Variants in ASTN2 observed in about 807,000 individuals in gnomAD.
ASTN2 encodes astrotactin 2.
A neutral mutation model predicts 139.8 loss-of-function variants in ASTN2; 54 were observed. The observed-to-expected ratio is 0.39, with a 90% confidence interval of 0.31 to 0.48. The LOEUF (loss-of-function observed/expected upper bound fraction) is 0.48, where lower values mean the gene tolerates loss of function less well. Ranked by LOEUF, ASTN2 falls within the 20% of genes least tolerant of loss-of-function variation. The probability of loss-of-function intolerance (pLI) is 0.95; values close to 1 mark genes in which losing one functional copy is unlikely to be tolerated. For synonymous variants in ASTN2, 756 were observed against 719.5 expected, an observed-to-expected ratio of 1.05 and a Z score of -0.81; for missense variants, 1,565 against 1,725.1, an observed-to-expected ratio of 0.91 and a Z score of 1.64.
intron 13 of ASTN2, among the ~76,000 whole-genome samples, chr9:116,740,964 C>G (rs1475022253): frequency 1.3e-5 from 2 of 151,750 alleles, no homozygotes; most frequent in Non-Finnish European, 2.9e-5. Flanking sequence ...AGGGGAAGGT[C>G]TCTTTACCCT....
At chr9:116,978,974 A>G (rs1395164297) in intron 7 of ASTN2, among the ~76,000 whole-genome samples, 2 of 152,352 alleles carry the variant, frequency 1.3e-5, no homozygotes, top group East Asian at 1.9e-4. Flanking sequence ...TTCTACAACT[A>G]TCACCCTTAA....
In ASTN2 at chr9:117,304,521, T is replaced by A. The variant is rs1402813238; in HGVS notation, c.443-13008A>T. Among the ~76,000 whole-genome samples, 5 of 152,284 alleles carry A rather than the reference T, an allele frequency of 3.3e-5. No individual in the cohort carries two copies. In the East Asian group the frequency reaches 7.7e-4, roughly 24 times the overall value. On this transcript the variant is annotated intron_variant, in intron 1 of 22. Transcript: ENST00000313400. ...TGTTGAAATTTTGCCCTAAGAGGGATCCTGCCGTATTTCCCTCAGCCCCTC... is the reference window on the plus strand; with the variant it reads ...TGTTGAAATTTTGCCCTAAGAGGGAACCTGCCGTATTTCCCTCAGCCCCTC...
intron 5 of ASTN2, among the ~76,000 whole-genome samples, chr9:117,066,173 C>T (rs2132697684): frequency 9.4e-6 from 1 of 106,190 alleles, no homozygotes; most frequent in East Asian, 3.2e-4. Context: ...CCCCCCTCCC[C>T]CCACCCCACC....
At chr9:116,862,509 G>A (rs986750818) in intron 11 of ASTN2, among the ~76,000 whole-genome samples, 1 of 152,180 alleles carries the variant, frequency 6.6e-6, no homozygotes, top group Admixed American at 6.5e-5. Flanking sequence ...CTTCATAAAG[G>A]AGATGTCTCT....
Position 116,944,073 on chromosome 9 carries a change from T to C in ASTN2, c.1889+31135A>G, listed in dbSNP as rs988310477. On this transcript the variant is annotated intron_variant, in intron 10 of 22. Coordinates refer to ENST00000313400, the MANE Select transcript of ASTN2 (RefSeq NM_001365068.1). ...GTACTGTTCTCGGTGCTTTTATAAA[T>C]ATGAGCTCGTCTCATTTTTATAACT... Among the ~76,000 whole-genome samples, 9 of 152,182 alleles carry C rather than the reference T, an allele frequency of 5.9e-5. No homozygotes were observed. The South Asian group carries it at 1.5e-3, about 25-fold the overall frequency.
At chr9:116,856,790 G>T (rs1832752111) in intron 11 of ASTN2, among the ~76,000 whole-genome samples, 1 of 152,204 alleles carries the variant, frequency 6.6e-6, no homozygotes, top group South Asian at 2.1e-4. Context: ...TGGGGCAGAG[G>T]CGGCAGAAAT....
At chr9:117,345,423 C>T (rs1564157502) in intron 1 of ASTN2, among the ~76,000 whole-genome samples, 1 of 152,164 alleles carries the variant, frequency 6.6e-6, no homozygotes, top group African/African-American at 2.4e-5. Context: ...TTGCATGACT[C>T]TAAGTGCTTC....
At chr9:116,848,521 C>T (rs545758143) in intron 11 of ASTN2, among the ~76,000 whole-genome samples, 9 of 152,258 alleles carry the variant, frequency 5.9e-5, no homozygotes, top group East Asian at 3.9e-4. Context: ...AAGCGCAGCA[C>T]GAAGAGGTGT....
intron 20 of ASTN2, among the ~76,000 whole-genome samples, chr9:116,444,265 A>T (rs1331323286): frequency 6.6e-6 from 1 of 152,194 alleles, no homozygotes; most frequent in Non-Finnish European, 1.5e-5. Context: ...TGTAGAAATC[A>T]ACTCTGTAAA....
chr9:117,170,669 G>A (rs967663135), intron 3 of ASTN2, among the ~76,000 whole-genome samples: 4 of 152,084 alleles, frequency 2.6e-5, no homozygotes, highest in African/African-American at 9.7e-5. Context: ...AGACTGAAGA[G>A]GTCACAAGCA....
chr9:116,532,733 G>A (rs1851412281), intron 19 of ASTN2, among the ~76,000 whole-genome samples: 1 of 152,082 alleles, frequency 6.6e-6, no homozygotes, highest in Non-Finnish European at 1.5e-5. Context: ...CTCTGTTTTG[G>A]TACCAGTACT....
At chr9:116,823,368 T>G (rs1831540579) in intron 11 of ASTN2, among the ~76,000 whole-genome samples, 1 of 152,220 alleles carries the variant, frequency 6.6e-6, no homozygotes, top group Non-Finnish European at 1.5e-5. Context: ...ATTTACTGAC[T>G]GACTGATCTC....
chr9:116,706,758 G>A (rs1433988449), intron 16 of ASTN2, among the ~76,000 whole-genome samples: 6 of 120,200 alleles, frequency 5.0e-5, no homozygotes, highest in African/African-American at 1.9e-4. Context: ...TTGCTGGCTA[G>A]AATTTTTTTT....
At chr9:116,853,893 C>T (rs963588538) in intron 11 of ASTN2, among the ~76,000 whole-genome samples, 40 of 152,284 alleles carry the variant, frequency 2.6e-4, no homozygotes, top group Non-Finnish European at 1.3e-4. Context: ...GTGCTCAGAG[C>T]AGCACGGTTT....
intron 1 of ASTN2, among the ~76,000 whole-genome samples, chr9:117,303,356 G>A (rs187202202): frequency 4.7e-4 from 72 of 152,296 alleles, no homozygotes; most frequent in Non-Finnish European, 7.4e-5. Flanking sequence ...GAATACTGAG[G>A]TAGAGTGTGC....
intron 2 of ASTN2, among the ~76,000 whole-genome samples, chr9:117,272,161 C>T (rs1834081600): frequency 6.6e-6 from 1 of 152,230 alleles, no homozygotes; most frequent in Non-Finnish European, 1.5e-5. Context: ...TCCCAAACCT[C>T]AATTCTTGCC....
intron 18 of ASTN2, among the ~76,000 whole-genome samples, chr9:116,619,524 T>TA (rs1452077707): frequency 6.6e-6 from 1 of 151,790 alleles, no homozygotes; most frequent in African/African-American, 2.4e-5. Context: ...TTTTTCTTAT[T>TA]AAAAAAATGT....
intron 16 of ASTN2, among the ~76,000 whole-genome samples, chr9:116,684,672 C>T (rs1045150974): frequency 2.6e-5 from 4 of 152,216 alleles, no homozygotes; most frequent in African/African-American, 9.7e-5. Context: ...AGTGGTCCCA[C>T]TCTTCTCACC....
chr9:117,199,612 C>A (rs887243661), intron 3 of ASTN2, among the ~76,000 whole-genome samples: 2 of 150,814 alleles, frequency 1.3e-5, no homozygotes, highest in Admixed American at 1.3e-4. Flanking sequence ...TACATGGGTT[C>A]TTCTTTGACT....
Sources: gnomAD v4.1 joint callset for allele counts (sites outside exome capture counted in the v4.1 genomes callset) on GRCh38, gnomAD v4.1.1 for gene constraint, MANE v1.5 for transcripts, NCBI Gene and HGNC (gene_info 2026-07-23, HGNC 2026-07-21) for gene names.